The following PRKN variants were observed in gnomAD, a reference collection of about 807,000 sequenced individuals.
The protein encoded by PRKN is parkin RBR E3 ubiquitin protein ligase, also known as E3 ubiquitin-protein ligase parkin.
In PRKN, 56 loss-of-function variants were observed where a neutral mutation model predicts 59.5. That is an observed-to-expected ratio of 0.94 (90% CI 0.76 to 1.18). PRKN has a LOEUF of 1.18. PRKN is among the 50% of genes most tolerant of loss of function. The pLI, the probability that PRKN is intolerant of heterozygous loss-of-function variation, is 0.00. For missense variants in PRKN, 657 were observed against 596.4 expected (o/e 1.10, Z -1.06); for synonymous variants, 250 against 222.1 (o/e 1.13, Z -1.12).
intron 6 of PRKN, among the ~76,000 whole-genome samples, chr6:161,934,462 T>C (rs56173245): frequency 4.6e-5 from 7 of 152,192 alleles, no homozygotes; most frequent in African/African-American, 1.4e-4. Context: ...GTTTGCTTCA[T>C]TGGTTTACTG....
At chr6:162,274,370 T>C (rs979628034) in intron 2 of PRKN, among the ~76,000 whole-genome samples, 1 of 151,994 alleles carries the variant, frequency 6.6e-6, no homozygotes, top group African/African-American at 2.4e-5. Context: ...GTATATGCCA[T>C]ACAGACAGGG....
rs1274075214 is a variant in PRKN at position 161,592,861 on chromosome 6, G to A, written c.872-23445C>T. On this transcript the variant is annotated intron_variant, in intron 7 of 11. Transcript: ENST00000366898. This position sits in a 1 kb window ranked among gnomAD's most constrained non-coding sequence, Gnocchi z 4.8. ...CAGGAGGTCACCGCAGGACCTGAAG[G>A]AAATGACTCCTGGCCAGGGGCCAGA... Among the ~76,000 whole-genome samples, 3 of 152,168 alleles carry A rather than the reference G, an allele frequency of 2.0e-5. No individual in the cohort carries two copies. The highest frequency in any genetic ancestry group is 4.4e-5 in the Non-Finnish European group (3 of 68,032).
intron 1 of PRKN, among the ~76,000 whole-genome samples, chr6:162,647,655 T>C (rs189991413): frequency 1.6e-4 from 25 of 152,232 alleles, no homozygotes; most frequent in Non-Finnish European, 3.2e-4. Context: ...CTGGAAGTAT[T>C]AAGGTCATGT....
intron 1 of PRKN, among the ~76,000 whole-genome samples, chr6:162,683,157 T>G (rs1212632172): frequency 6.6e-6 from 1 of 152,212 alleles, no homozygotes; most frequent in Non-Finnish European, 1.5e-5. Flanking sequence ...TTCATGCTTC[T>G]TCAACAGTGA....
intron 1 of PRKN, among the ~76,000 whole-genome samples, chr6:162,561,320 A>G (rs1049756868): frequency 3.9e-5 from 6 of 152,190 alleles, no homozygotes; most frequent in Non-Finnish European, 1.5e-5. Flanking sequence ...TAGATATTGA[A>G]GAGAAAGACT....
chr6:161,693,258 A>T (rs1185455511), intron 7 of PRKN, among the ~76,000 whole-genome samples: 1 of 152,214 alleles, frequency 6.6e-6, no homozygotes, highest in Non-Finnish European at 1.5e-5. Context: ...TTCGAAAGAT[A>T]GATTTTTTCT....
At chr6:161,455,919 A>G (rs1238367974) in intron 9 of PRKN, among the ~76,000 whole-genome samples, 1 of 152,084 alleles carries the variant, frequency 6.6e-6, no homozygotes, top group Non-Finnish European at 1.5e-5. Context: ...ACATACTTTA[A>G]CTCATATCAA....
At chr6:162,508,177 T>C (rs1253951710) in intron 1 of PRKN, among the ~76,000 whole-genome samples, 1 of 152,022 alleles carries the variant, frequency 6.6e-6, no homozygotes, top group Non-Finnish European at 1.5e-5. Flanking sequence ...AAAGCGGAAA[T>C]CCCTGATAAA....
At chr6:161,840,010 G>A (rs186581771) in intron 6 of PRKN, among the ~76,000 whole-genome samples, 1 of 152,212 alleles carries the variant, frequency 6.6e-6, no homozygotes, top group Non-Finnish European at 1.5e-5. Flanking sequence ...TCTCAGGCTC[G>A]CCCCTCCTCT....
In PRKN at chr6:162,056,007, AGGCATGCACGCACAC is replaced by A. The variant is rs769953751; in HGVS notation, c.535-1848_535-1834del. ...CACACACTCAGGCATGCACGCACAC[AGGCATGCACGCACAC>A]AGCATGCCACACACCACACATGCAT... On this transcript the variant is annotated intron_variant, in intron 4 of 11. Coordinates refer to ENST00000366898, the MANE Select transcript of PRKN (RefSeq NM_004562.3). This position sits in a 1 kb window ranked among gnomAD's most constrained non-coding sequence, Gnocchi z 4.9. 6.9e-6 allele frequency among the ~76,000 whole-genome samples: 1 copy of A among 145,640 alleles called. No individual in the cohort carries two copies. Among genetic ancestry groups the A allele is most frequent in the African/African-American group, 2.5e-5 (1 of 40,326 alleles).
rs189953040 is a variant in PRKN at position 162,142,560 on chromosome 6, C to G, written c.534+58571G>C. Among the ~76,000 whole-genome samples, 565 of 152,204 alleles carry G rather than the reference C, an allele frequency of 3.7e-3. 9 individuals are homozygous for G. Among genetic ancestry groups the G allele is most frequent in the African/African-American group, 0.013 (530 of 41,522 alleles). On this transcript the variant is annotated intron_variant, in intron 4 of 11. Coordinates refer to ENST00000366898, the MANE Select transcript of PRKN (RefSeq NM_004562.3). ...TCCTAGCCGAATGACCATCCTGACCCCCTGGATTTTTTATTTATGCAATAA... is the reference window on the plus strand; with the variant it reads ...TCCTAGCCGAATGACCATCCTGACCGCCTGGATTTTTTATTTATGCAATAA...
intron 2 of PRKN, among the ~76,000 whole-genome samples, chr6:162,373,533 AT>A: frequency 6.6e-6 from 1 of 152,282 alleles, no homozygotes; most frequent in South Asian, 2.1e-4. Flanking sequence ...TGAAGCTAAA[AT>A]GTGCAATATT....
chr6:161,696,606 C>T (rs1005665903), intron 7 of PRKN, among the ~76,000 whole-genome samples: 2 of 152,186 alleles, frequency 1.3e-5, no homozygotes, highest in Non-Finnish European at 2.9e-5. Context: ...TCTGTAACAG[C>T]TTGCACAGTA....
Position 161,474,853 on chromosome 6 carries a change from C to A in PRKN, c.1083+74001G>T, listed in dbSNP as rs137959003. On this transcript the variant is annotated intron_variant, in intron 9 of 11. Transcript: ENST00000366898. ...TCCTGACCTCGTAATCCACCTGCCT[C>A]AGACTCCCAAAGTGCTGAGATTACA... 9.7e-3 allele frequency among the ~76,000 whole-genome samples: 1,468 copies of A among 151,796 alleles called. 19 individuals carry two copies. Among genetic ancestry groups the A allele is most frequent in the Middle Eastern group, 0.024 (7 of 294 alleles).
intron 6 of PRKN, among the ~76,000 whole-genome samples, chr6:161,872,489 A>G (rs1185809324): frequency 2.0e-5 from 3 of 152,150 alleles, no homozygotes; most frequent in African/African-American, 7.2e-5. Context: ...CATATCAGAC[A>G]TACCTCATAG....
At chr6:162,683,754 G>C (rs1286690101) in intron 1 of PRKN, among the ~76,000 whole-genome samples, 1 of 152,078 alleles carries the variant, frequency 6.6e-6, no homozygotes, top group Non-Finnish European at 1.5e-5. Flanking sequence ...CGGTTGTCTT[G>C]AGGAGGCAGA....
At chr6:161,750,118 T>TATATACAC (rs1269147499) in intron 7 of PRKN, among the ~76,000 whole-genome samples, 5 of 137,830 alleles carry the variant, frequency 3.6e-5, no homozygotes, top group Non-Finnish European at 6.3e-5. Context: ...TATATATATA[T>TATATACAC]ACACACACAC....
rs570245314 is a variant in PRKN, at chr6:161,641,149, A to C, written c.872-71733T>G. Among the ~76,000 whole-genome samples, 389 of 152,354 alleles carry C rather than the reference A, an allele frequency of 2.6e-3. 1 individual carries two copies. Among genetic ancestry groups the C allele is most frequent in the Non-Finnish European group, 4.1e-3 (277 of 68,030 alleles). The stretch of plus-strand genomic sequence containing the variant: ...ATAACTTTGAAACAAAGACGGTAAC[A>C]GCCCTTTTCCAAAACAAACCCCCTT... On this transcript the variant is annotated intron_variant, in intron 7 of 11. Coordinates refer to ENST00000366898, the MANE Select transcript of PRKN (RefSeq NM_004562.3).
At chr6:162,185,106 T>C (rs1341290625) in intron 4 of PRKN, among the ~76,000 whole-genome samples, 1 of 152,158 alleles carries the variant, frequency 6.6e-6, no homozygotes, top group Non-Finnish European at 1.5e-5. Flanking sequence ...ACTGGCATTT[T>C]CCTAGATTTG....
Sources: gnomAD v4.1 joint callset for allele counts (sites outside exome capture counted in the v4.1 genomes callset) on GRCh38, gnomAD v4.1.1 for gene constraint, Gnocchi (gnomAD v3.1) non-coding constraint, MANE v1.5 for transcripts, NCBI Gene and HGNC (gene_info 2026-07-23, HGNC 2026-07-21) for gene names.